The following CNTNAP5 variants were observed in gnomAD, a reference collection of about 807,000 sequenced individuals.
CNTNAP5 encodes contactin-associated protein-like 5.
A neutral mutation model predicts 150.2 loss-of-function variants in CNTNAP5; 72 were observed. That is an observed-to-expected ratio of 0.48 (90% CI 0.40 to 0.58). The LOEUF (loss-of-function observed/expected upper bound fraction) is 0.58, where lower values mean the gene tolerates loss of function less well. Among genes scored for constraint, CNTNAP5 ranks in the 20% least tolerant of loss-of-function variants. The probability of loss-of-function intolerance (pLI) is 0.00; values close to 1 mark genes in which losing one functional copy is unlikely to be tolerated. For synonymous variants in CNTNAP5, 672 were observed against 619.8 expected, an observed-to-expected ratio of 1.08 and a Z score of -1.25; for missense variants, 1,636 against 1,626.2, an observed-to-expected ratio of 1.01 and a Z score of -0.10.
rs552025734 is a variant in CNTNAP5 at position 124,317,042 on chromosome 2, G to T, written c.381+74649G>T. Among the ~76,000 whole-genome samples, 9 of 152,076 alleles carry T rather than the reference G, an allele frequency of 5.9e-5. No homozygotes were observed. The South Asian group carries it at 1.9e-3, about 32-fold the overall frequency. On this transcript the variant is annotated intron_variant, in intron 3 of 23. Coordinates refer to ENST00000682447, the MANE Select transcript of CNTNAP5 (RefSeq NM_001367498.1). ...AGAAAGGTTATGTTGAGCATGCAGT[G>T]GGTGCTATGCAGCAACATCTGCTTA...
Position 124,171,810 on chromosome 2 carries a change from G to C in CNTNAP5, c.83-49895G>C, listed in dbSNP as rs369146718. ...GTCAGCCAAATTTGGTTATGTTTTA[G>C]GTTCTTTATCAGCAAATAGGAATAC... On this transcript the variant is annotated intron_variant, in intron 1 of 23. Coordinates refer to ENST00000682447, the MANE Select transcript of CNTNAP5 (RefSeq NM_001367498.1). Among the ~76,000 whole-genome samples the C allele has an allele frequency of 3.9e-5, 6 of 152,272 alleles. No individual in the cohort carries two copies. The South Asian group carries it at 1.0e-3, about 26-fold the overall frequency.
intron 3 of CNTNAP5, among the ~76,000 whole-genome samples, chr2:124,324,868 A>G (rs979634828): frequency 6.6e-6 from 1 of 152,198 alleles, no homozygotes; most frequent in Non-Finnish European, 1.5e-5. Context: ...TTGTAGTTCT[A>G]TGAGTTTCAA....
At chr2:124,771,422 A>C (rs1015182940) in intron 16 of CNTNAP5, among the ~76,000 whole-genome samples, 5 of 152,046 alleles carry the variant, frequency 3.3e-5, no homozygotes, top group Non-Finnish European at 5.9e-5. Context: ...AACATCGTGA[A>C]GAACCCTGCC....
chr2:124,248,324 G>A (rs933064022), intron 3 of CNTNAP5, among the ~76,000 whole-genome samples: 7 of 152,236 alleles, frequency 4.6e-5, no homozygotes, highest in South Asian at 2.1e-4. Flanking sequence ...TACCCTGTGG[G>A]TTGCAATGTG....
intron 1 of CNTNAP5, among the ~76,000 whole-genome samples, chr2:124,062,650 T>C (rs965591292): frequency 1.3e-5 from 2 of 152,178 alleles, no homozygotes; most frequent in African/African-American, 4.8e-5. Context: ...AAAGAACTCT[T>C]ATGACAGGTG....
chr2:124,407,530 C>T (rs150471030), intron 3 of CNTNAP5, among the ~76,000 whole-genome samples: 20 of 152,200 alleles, frequency 1.3e-4, no homozygotes, highest in Non-Finnish European at 2.6e-4. Flanking sequence ...TTGCTAGAGA[C>T]TCAATAACTC....
intron 3 of CNTNAP5, among the ~76,000 whole-genome samples, chr2:124,406,437 T>C (rs1020397591): frequency 2.0e-5 from 3 of 152,232 alleles, no homozygotes; most frequent in Admixed American, 6.5e-5. Context: ...CGCATATATT[T>C]TCCTTCTACA....
At chr2:124,898,290 A>G (rs1016457188) in intron 21 of CNTNAP5, among the ~76,000 whole-genome samples, 1 of 151,472 alleles carries the variant, frequency 6.6e-6, no homozygotes, top group African/African-American at 2.5e-5. Context: ...TCACACATAG[A>G]AAATGTCATG....
At chr2:124,415,250 C>G (rs1271481271) in intron 3 of CNTNAP5, among the ~76,000 whole-genome samples, 1 of 152,166 alleles carries the variant, frequency 6.6e-6, no homozygotes, top group Non-Finnish European at 1.5e-5. Context: ...ATTTGAACCT[C>G]AAGAAATTCC....
intron 3 of CNTNAP5, among the ~76,000 whole-genome samples, chr2:124,316,804 C>CAAAAAAAAAAAAAAAAAAAAAAAAAAA (rs56812690): frequency 5.5e-5 from 3 of 54,770 alleles, no homozygotes; most frequent in South Asian, 1.8e-3. Context: ...GACTCCATCT[C>CAAAAAAAAAAAAAAAAAAAAAAAAAAA]AAAAAAAAAA....
Position 124,261,708 on chromosome 2 carries a change from T to C in CNTNAP5, c.381+19315T>C, listed in dbSNP as rs143946562. Among the ~76,000 whole-genome samples the C allele has an allele frequency of 2.8e-3, 433 of 152,252 alleles. 1 individual carries two copies. The highest frequency in any genetic ancestry group is 0.01 in the African/African-American group (418 of 41,538). On this transcript the variant is annotated intron_variant, in intron 3 of 23. Coordinates refer to ENST00000682447, the MANE Select transcript of CNTNAP5 (RefSeq NM_001367498.1). ...TCTGTACTCAGGAGCTACAGGCAAG[T>C]TACTATTTCTGCAGTGACATTTCCT...
intron 17 of CNTNAP5, among the ~76,000 whole-genome samples, chr2:124,787,172 A>T (rs886452565): frequency 2.0e-5 from 3 of 152,244 alleles, no homozygotes; most frequent in Non-Finnish European, 4.4e-5. Flanking sequence ...CTGTTAAAGA[A>T]AAATGACACT....
chr2:124,032,766 G>C (rs774248794), intron 1 of CNTNAP5, among the ~76,000 whole-genome samples: 2 of 152,110 alleles, frequency 1.3e-5, no homozygotes, highest in Non-Finnish European at 2.9e-5. Context: ...AAGGTACTCA[G>C]TTCTCTGAAA....
At chr2:124,425,512 C>T (rs1692216945) in intron 4 of CNTNAP5, among the ~76,000 whole-genome samples, 1 of 152,136 alleles carries the variant, frequency 6.6e-6, no homozygotes, top group African/African-American at 2.4e-5. Flanking sequence ...TTTCTGAAAC[C>T]TCATCCCCAT....
At chr2:124,837,879 C>T (rs1264153888) in intron 19 of CNTNAP5, among the ~76,000 whole-genome samples, 1 of 152,114 alleles carries the variant, frequency 6.6e-6, no homozygotes, top group Non-Finnish European at 1.5e-5. Flanking sequence ...GAGACTAGCA[C>T]TCCAGGCCAC....
chr2:124,271,962 GCTT>G (rs1687771386), intron 3 of CNTNAP5, among the ~76,000 whole-genome samples: 1 of 152,086 alleles, frequency 6.6e-6, no homozygotes, highest in Admixed American at 6.6e-5. Context: ...TGATATGCCT[GCTT>G]CAGCCTCCCA....
At chr2:124,721,187 A>G (rs1680040627) in intron 13 of CNTNAP5, among the ~76,000 whole-genome samples, 1 of 152,146 alleles carries the variant, frequency 6.6e-6, no homozygotes, top group Non-Finnish European at 1.5e-5. Context: ...TATTTACAAG[A>G]ATTAAATGCG....
intron 17 of CNTNAP5, among the ~76,000 whole-genome samples, chr2:124,776,744 G>A (rs748879454): frequency 2.0e-4 from 30 of 152,102 alleles, no homozygotes; most frequent in Non-Finnish European, 4.0e-4. Flanking sequence ...TTCACATTGA[G>A]AAATAATTGG....
chr2:124,786,806 A>T (rs1681608723), intron 17 of CNTNAP5, among the ~76,000 whole-genome samples: 1 of 152,172 alleles, frequency 6.6e-6, no homozygotes. Flanking sequence ...ATAACTCTCT[A>T]CACATAGTAG....
Sources: gnomAD v4.1 joint callset for allele counts (sites outside exome capture counted in the v4.1 genomes callset) on GRCh38, gnomAD v4.1.1 for gene constraint, MANE v1.5 for transcripts, NCBI Gene and HGNC (gene_info 2026-07-23, HGNC 2026-07-21) for gene names.